Variants in NFXL1 observed in about 807,000 individuals in gnomAD.
The protein encoded by NFXL1 is nuclear transcription factor, X-box binding like 1, also known as NF-X1-type zinc finger protein NFXL1.
NFXL1 carries 66 observed loss-of-function variants against 123.3 expected under a neutral mutation model. The ratio of observed to expected loss-of-function variants is 0.54; its 90% CI spans 0.44 to 0.66. The LOEUF is 0.66. NFXL1 is among the 30% of genes least tolerant of loss of function. The probability of loss-of-function intolerance (pLI) is 0.00; values close to 1 mark genes in which losing one functional copy is unlikely to be tolerated. For missense variants in NFXL1, 944 were observed against 1,125.6 expected (o/e 0.84, Z 2.31); for synonymous variants, 346 against 360.8 (o/e 0.96, Z 0.46).
chr4:47,848,126 A>T lies in NFXL1; in HGVS notation c.*37T>A. 7.3e-7 allele frequency: 1 copy of T among 1,363,084 alleles called. No homozygotes were observed. The highest frequency in any genetic ancestry group is 1.4e-5 in the South Asian group (1 of 71,472). The allele number at this position is 1,363,084 out of a possible 1,614,324, so 84.4% of individuals were successfully genotyped here. ...ATTTCAAATTTAACAACTTATCTAA[A>T]TCCAATCTGAGTTACATTAAAAGAT... On this transcript the variant is annotated 3_prime_UTR_variant, in exon 23 of 23. Coordinates refer to ENST00000507489, the MANE Select transcript of NFXL1 (RefSeq NM_001278624.2).
intron 18 of NFXL1, among the ~76,000 whole-genome samples, chr4:47,868,600 G>A (rs186635298): frequency 6.6e-6 from 1 of 150,498 alleles, no homozygotes; most frequent in African/African-American, 2.4e-5. Flanking sequence ...ACCACTAAAC[G>A]AAAACAAACC....
intron 19 of NFXL1, among the ~76,000 whole-genome samples, chr4:47,858,561 T>C (rs978676300): frequency 5.3e-5 from 8 of 152,230 alleles, no homozygotes; most frequent in Admixed American, 5.2e-4. Flanking sequence ...CATGTAGCTG[T>C]TAAAATGCAA....
chr4:47,913,958 G>A lies in NFXL1; in HGVS notation c.235+11C>T. On this transcript the variant is annotated intron_variant, in intron 2 of 22. Transcript: ENST00000507489. ...CATCCAGGTGAGCACGCGGGCGGGA[G>A]CCATTCTCACCGCTGGCTGCGGTAG... 5.2e-6 allele frequency: 8 copies of A among 1,535,184 alleles called. No homozygotes were observed. The highest frequency in any genetic ancestry group is 2.4e-5 in the South Asian group (2 of 83,708).
In NFXL1 at chr4:47,899,568, T is replaced by C; in HGVS notation, c.648-20A>G. ...TTTGGACTACAAAGAAGAAGAAAATTATTAAAGCTAACTTCACCTTTAAAA... is the reference window on the plus strand; with the variant it reads ...TTTGGACTACAAAGAAGAAGAAAATCATTAAAGCTAACTTCACCTTTAAAA... On this transcript the variant is annotated intron_variant, in intron 5 of 22. Transcript: ENST00000507489. 2.0e-6 allele frequency: 3 copies of C among 1,527,716 alleles called. No homozygotes were observed. Among genetic ancestry groups the C allele is most frequent in the Non-Finnish European group, 2.7e-6 (3 of 1,103,970 alleles). The allele number at this position is 1,527,716 out of a possible 1,614,324, so 94.6% of individuals were successfully genotyped here.
chr4:47,879,059 T>C (rs1453792884), intron 16 of NFXL1, 37 bp downstream of exon 16: 2 of 1,239,826 alleles, frequency 1.6e-6, no homozygotes, highest in Non-Finnish European at 2.3e-6. Flanking sequence ...ACAGTATAGA[T>C]TATAAGCTTT....
intron 18 of NFXL1, among the ~76,000 whole-genome samples, chr4:47,864,696 T>C (rs749134605): frequency 6.6e-6 from 1 of 152,178 alleles, no homozygotes; most frequent in Admixed American, 6.5e-5. Flanking sequence ...AGCTTATGAA[T>C]AGCTGAACAC....
chr4:47,849,956 T>A (rs200424428), intron 22 of NFXL1, among the ~76,000 whole-genome samples: 72,098 of 151,030 alleles, frequency 0.48, 17,506 homozygotes, highest in East Asian at 0.6. Flanking sequence ...TTATTTATTT[T>A]TTTTTTTTTT....
At chr4:47,858,526 A>C (rs1734538410) in intron 19 of NFXL1, among the ~76,000 whole-genome samples, 1 of 152,250 alleles carries the variant, frequency 6.6e-6, no homozygotes. Flanking sequence ...AAACAAACTT[A>C]TACAATGGAA....
intron 18 of NFXL1, among the ~76,000 whole-genome samples, chr4:47,871,151 C>T (rs1235669008): frequency 6.6e-6 from 1 of 152,102 alleles, no homozygotes; most frequent in Non-Finnish European, 1.5e-5. Context: ...GAGATCAAGA[C>T]CATCCTGGCT....
intron 20 of NFXL1, among the ~76,000 whole-genome samples, chr4:47,853,766 G>A (rs1456927901): frequency 6.6e-6 from 1 of 152,084 alleles, no homozygotes; most frequent in Non-Finnish European, 1.5e-5. Flanking sequence ...GAACAAGCAG[G>A]CAAATGTCTT....
chr4:47,889,298 A>C (rs1195836286), intron 12 of NFXL1, among the ~76,000 whole-genome samples: 1 of 152,206 alleles, frequency 6.6e-6, no homozygotes, highest in Admixed American at 6.5e-5. Flanking sequence ...AAGAAAATAA[A>C]ATCTTTCTAG....
intron 4 of NFXL1, 134 bp from the exon 5 acceptor site, chr4:47,903,457 G>C (rs1012923615): frequency 2.3e-6 from 1 of 437,640 alleles, no homozygotes; most frequent in South Asian, 7.9e-5. Flanking sequence ...TTTCCTTCCA[G>C]TATAACAGAA....
At position 47,886,010 on chromosome 4, in the gene NFXL1, A is replaced by G; in HGVS notation, c.1544-11T>C. 1 of 1,605,984 alleles carries G rather than the reference A, an allele frequency of 6.2e-7. No individual in the cohort carries two copies. Among genetic ancestry groups the G allele is most frequent in the East Asian group, 2.2e-5 (1 of 44,822 alleles). ...AGGGATAGCAACTGCCTGAAAAAAA[A>G]GTCTGACAATTAAAAAGTTTCCTTA... On this transcript the variant is annotated splice_polypyrimidine_tract_variant and intron_variant, in intron 12 of 22. Transcript: ENST00000507489.
intron 3 of NFXL1, among the ~76,000 whole-genome samples, chr4:47,906,201 T>C (rs1375122136): frequency 6.6e-6 from 1 of 152,074 alleles, no homozygotes; most frequent in Non-Finnish European, 1.5e-5. Flanking sequence ...AAAAGGACAA[T>C]AATCTGAGTC....
intron 8 of NFXL1, 81 bp downstream of exon 8, chr4:47,898,676 T>C: frequency 3.3e-6 from 3 of 908,520 alleles, no homozygotes; most frequent in Non-Finnish European, 5.6e-6. Context: ...CAACTAAACC[T>C]GATTAGCCTT....
At position 47,847,896 on chromosome 4, in the gene NFXL1, A is replaced by T; in HGVS notation, c.*267T>A. ...AAACTAAGTACAAGGAAGCCCAATG[A>T]ACAAAAACACGTTACTCTGCCTCTA... is the stretch of plus-strand genomic sequence containing the variant. On this transcript the variant is annotated 3_prime_UTR_variant, in exon 23 of 23. Transcript: ENST00000507489. 1 of 264,264 alleles carries T rather than the reference A, an allele frequency of 3.8e-6. No individual in the cohort carries two copies. The highest frequency in any genetic ancestry group is 1.1e-3 in the Middle Eastern group (1 of 894). The allele number at this position is 264,264 out of a possible 1,614,324, so 16.4% of individuals were successfully genotyped here. A position where few individuals can be genotyped will look rare whatever the true frequency, so the allele number is the denominator to read the frequency against.
At chr4:47,899,584 A>C in intron 5 of NFXL1, 36 bp from the exon 6 acceptor site, 1 of 1,397,802 alleles carries the variant, frequency 7.2e-7, no homozygotes, top group Non-Finnish European at 1.0e-6. Context: ...AGCTAACTTC[A>C]CCTTTAAAAG....
chr4:47,855,116 A>G lies in NFXL1; in HGVS notation c.2364T>C (p.Cys788=). ...TTACCTTCTGGTTGCAGTTAAAGGG[A>G]CATTCACCAGGATGACACATCTCTT... ...RCKEMCHPGE[C]PFNCNQKVKL... is the part of the protein sequence containing the mutation. Residue 788 remains cysteine (C), a synonymous_variant, in exon 20 of 23, where the codon TGT becomes TGC. Coordinates refer to ENST00000507489, the MANE Select transcript of NFXL1 (RefSeq NM_001278624.2). 1 of 1,591,238 alleles carries G rather than the reference A, an allele frequency of 6.3e-7. No homozygotes were observed. The highest frequency in any genetic ancestry group is 8.6e-7 in the Non-Finnish European group (1 of 1,164,972).
intron 3 of NFXL1, among the ~76,000 whole-genome samples, chr4:47,909,626 G>A (rs990407260): frequency 6.6e-6 from 1 of 151,114 alleles, no homozygotes; most frequent in African/African-American, 2.4e-5. Context: ...ATTAATAAAT[G>A]TTGACATTAC....
Sources: gnomAD v4.1 joint callset for allele counts (sites outside exome capture counted in the v4.1 genomes callset) on GRCh38, gnomAD v4.1.1 for gene constraint, MANE v1.5 for transcripts, NCBI Gene and HGNC (gene_info 2026-07-23, HGNC 2026-07-21) for gene names.